The following BICD1 variants were observed in gnomAD, a reference collection of about 807,000 sequenced individuals.
The protein encoded by BICD1 is protein bicaudal D homolog 1.
In BICD1, 35 loss-of-function variants were observed where a neutral mutation model predicts 92.5. The observed-to-expected ratio is 0.38, with a 90% confidence interval of 0.29 to 0.50. The LOEUF (loss-of-function observed/expected upper bound fraction) is 0.50. Ranked by LOEUF, BICD1 falls within the 20% of genes least tolerant of loss-of-function variation. The pLI is 0.93. For synonymous variants in BICD1, 429 were observed against 465.1 expected, an observed-to-expected ratio of 0.92 and a Z score of 1.00; for missense variants, 950 against 1,189.8, an observed-to-expected ratio of 0.80 and a Z score of 2.97.
chr12:32,118,193 C>A (rs375768471), intron 1 of BICD1, among the ~76,000 whole-genome samples: 20 of 151,980 alleles, frequency 1.3e-4, no homozygotes, highest in African/African-American at 4.6e-4. Flanking sequence ...TGCCATTCTC[C>A]TGTCTCAGCC....
Sources: allele counts gnomAD v4.1 joint callset (sites outside exome capture counted in the v4.1 genomes callset), GRCh38; gene constraint gnomAD v4.1.1; transcripts MANE v1.5; gene names NCBI Gene and HGNC (gene_info 2026-07-23, HGNC 2026-07-21).